Variants in SERGEF observed in about 807,000 individuals in gnomAD.
The protein encoded by SERGEF is secretion-regulating guanine nucleotide exchange factor.
SERGEF carries 51 observed loss-of-function variants against 50.0 expected under a neutral mutation model. That is an observed-to-expected ratio of 1.02 (90% CI 0.81 to 1.29). The LOEUF (loss-of-function observed/expected upper bound fraction) is 1.29. SERGEF is among the 50% of genes most tolerant of loss of function. SERGEF has a pLI of 0.00. For synonymous variants in SERGEF, 205 were observed against 212.4 expected (o/e 0.97, Z 0.30); for missense variants, 521 against 557.0 (o/e 0.94, Z 0.65).
At position 17,884,564 on chromosome 11, in the gene SERGEF, C is replaced by G. The variant is rs980744401; in HGVS notation, c.1012-6320G>C. On this transcript the variant is annotated intron_variant, in intron 9 of 10. Transcript: ENST00000265965. The surrounding 1 kb of genome is among the most constrained non-coding windows in gnomAD (Gnocchi z 4.6). ...GGCACACTGCAATCCAGTGAGCCAC[C>G]AGAGTTCCACCTCTAAGCTCAGAAA... Among the ~76,000 whole-genome samples the G allele has an allele frequency of 1.3e-5, 2 of 152,116 alleles. No individual in the cohort carries two copies. The highest frequency in any genetic ancestry group is 2.4e-5 in the African/African-American group (1 of 41,442).
intron 10 of SERGEF, among the ~76,000 whole-genome samples, chr11:17,833,197 AG>A (rs920117194): frequency 7.2e-5 from 11 of 152,176 alleles, no homozygotes; most frequent in Non-Finnish European, 1.0e-4. Context: ...TGTGCAGCCT[AG>A]GGACTTGGTG....
At chr11:17,846,710 T>A in intron 10 of SERGEF, 1 of 456,258 alleles carries the variant, frequency 2.2e-6, no homozygotes, top group Non-Finnish European at 4.4e-6. Flanking sequence ...TCTCTGCAAC[T>A]CCATTTCCAC....
intron 9 of SERGEF, among the ~76,000 whole-genome samples, chr11:17,912,519 A>G (rs1851974356): frequency 6.6e-6 from 1 of 152,214 alleles, no homozygotes; most frequent in Non-Finnish European, 1.5e-5. Context: ...CTCTGAATCT[A>G]TATTTCAAAA....
chr11:17,950,238 G>C (rs1852750025), intron 9 of SERGEF, among the ~76,000 whole-genome samples: 1 of 152,178 alleles, frequency 6.6e-6, no homozygotes, highest in Non-Finnish European at 1.5e-5. Flanking sequence ...AGACAGTGGT[G>C]AACAAGGCCA....
At chr11:17,891,381 G>T (rs182558851) in intron 9 of SERGEF, among the ~76,000 whole-genome samples, 9 of 152,218 alleles carry the variant, frequency 5.9e-5, no homozygotes, top group Admixed American at 5.2e-4. Flanking sequence ...TTACATTTTT[G>T]CCCACAAAAA....
At chr11:17,929,392 C>T (rs1188966265) in intron 9 of SERGEF, among the ~76,000 whole-genome samples, 2 of 152,084 alleles carry the variant, frequency 1.3e-5, no homozygotes, top group Non-Finnish European at 2.9e-5. Flanking sequence ...GGAAGACACC[C>T]CATGGCTGTG....
chr11:18,004,412 T>C (rs1245883203), intron 4 of SERGEF, 29 bp downstream of exon 4: 6 of 1,537,438 alleles, frequency 3.9e-6, no homozygotes, highest in Non-Finnish European at 5.4e-6. Context: ...TAACAGGTCA[T>C]GGGCAAGCTA....
At chr11:17,805,070 G>T (rs1428662904) in intron 10 of SERGEF, among the ~76,000 whole-genome samples, 2 of 152,306 alleles carry the variant, frequency 1.3e-5, no homozygotes, top group African/African-American at 4.8e-5. Flanking sequence ...AGTTCTCTGA[G>T]AAACTCTTTA....
At chr11:17,843,661 C>T (rs1007310392) in intron 10 of SERGEF, among the ~76,000 whole-genome samples, 1 of 152,140 alleles carries the variant, frequency 6.6e-6, no homozygotes, top group Non-Finnish European at 1.5e-5. Flanking sequence ...GCCATGAGAG[C>T]CCATTCATTC....
intron 10 of SERGEF, among the ~76,000 whole-genome samples, chr11:17,850,912 G>A (rs1590155418): frequency 6.6e-6 from 1 of 152,276 alleles, no homozygotes; most frequent in Middle Eastern, 3.4e-3. Flanking sequence ...AGAGGTTTCT[G>A]GTGAAATGTT....
At chr11:17,984,496 A>G (rs914443123) in intron 8 of SERGEF, among the ~76,000 whole-genome samples, 5 of 152,224 alleles carry the variant, frequency 3.3e-5, no homozygotes, top group Non-Finnish European at 7.3e-5. Flanking sequence ...ATGTACCCCA[A>G]TGATCCAATC....
intron 10 of SERGEF, among the ~76,000 whole-genome samples, chr11:17,792,657 GCTCTGTGTACTTTAT>G (rs1336450574): frequency 6.6e-6 from 1 of 152,178 alleles, no homozygotes; most frequent in African/African-American, 2.4e-5. Context: ...TGGGTTAGGT[GCTCTGTGTACTTTAT>G]CTCATTTAAT....
At chr11:17,817,089 G>A (rs1849987462) in intron 10 of SERGEF, among the ~76,000 whole-genome samples, 1 of 152,062 alleles carries the variant, frequency 6.6e-6, no homozygotes, top group Non-Finnish European at 1.5e-5. Context: ...TTGCCTGCAT[G>A]TTTACACAGC....
chr11:18,000,597 C>A, intron 4 of SERGEF, 40 bp from the exon 5 acceptor site: 3 of 1,416,542 alleles, frequency 2.1e-6, no homozygotes, highest in Non-Finnish European at 2.9e-6. Context: ...TCAGAACCAT[C>A]CATCTACAAA....
chr11:17,859,754 T>C (rs1358025249), intron 10 of SERGEF, among the ~76,000 whole-genome samples: 1 of 152,086 alleles, frequency 6.6e-6, no homozygotes, highest in Non-Finnish European at 1.5e-5. Context: ...ATAGTAACAT[T>C]AGATGCTAGA....
chr11:18,012,618 C>G (rs1312221106), intron 1 of SERGEF: 2 of 1,175,700 alleles, frequency 1.7e-6, no homozygotes, highest in African/African-American at 3.3e-5. Flanking sequence ...CTCCACCGAG[C>G]CCTCCGCGCT....
intron 10 of SERGEF, among the ~76,000 whole-genome samples, chr11:17,873,678 GA>G (rs1185625709): frequency 6.6e-6 from 1 of 151,804 alleles, no homozygotes; most frequent in African/African-American, 2.4e-5. Flanking sequence ...GGAGGAGGAG[GA>G]GGAGGAGGAG....
intron 10 of SERGEF, among the ~76,000 whole-genome samples, chr11:17,824,680 T>A (rs912426015): frequency 6.6e-6 from 1 of 152,226 alleles, no homozygotes; most frequent in African/African-American, 2.4e-5. Context: ...GCTGCCTTCT[T>A]GCTGTGTCCT....
At chr11:17,922,125 G>T (rs1852168915) in intron 9 of SERGEF, among the ~76,000 whole-genome samples, 1 of 152,202 alleles carries the variant, frequency 6.6e-6, no homozygotes, top group Non-Finnish European at 1.5e-5. Flanking sequence ...AACATGCTGA[G>T]TCAGCTGCAC....
Sources: allele counts gnomAD v4.1 joint callset (sites outside exome capture counted in the v4.1 genomes callset), GRCh38; gene constraint gnomAD v4.1.1; non-coding constraint Gnocchi (gnomAD v3.1); transcripts MANE v1.5; gene names NCBI Gene and HGNC (gene_info 2026-07-23, HGNC 2026-07-21).